MYO19: variants seen among roughly 807,000 people sequenced by gnomAD.
MYO19 encodes myosin XIX.
Under a neutral mutation model 129.2 loss-of-function variants are expected in MYO19, and 132 were observed. The observed-to-expected ratio is 1.02, with a 90% CI of 0.89 to 1.18. The LOEUF (loss-of-function observed/expected upper bound fraction) is 1.18. MYO19 is among the 50% of genes most tolerant of loss of function. The probability of loss-of-function intolerance (pLI) is 0.00; values close to 1 mark genes in which losing one functional copy is unlikely to be tolerated. For missense variants in MYO19, 1,210 were observed against 1,216.7 expected (o/e 0.99, Z 0.08); for synonymous variants, 531 against 477.2 (o/e 1.11, Z -1.47).
intron 6 of MYO19, among the ~76,000 whole-genome samples, chr17:36,521,689 GA>G (rs1436023619): frequency 6.6e-6 from 1 of 151,954 alleles, no homozygotes; most frequent in Non-Finnish European, 1.5e-5. Context: ...ACCTTTGGGG[GA>G]AAAAAGAAAT....
intron 4 of MYO19, among the ~76,000 whole-genome samples, 176 bp downstream of exon 4, chr17:36,527,888 T>C (rs1181897371): frequency 6.6e-6 from 1 of 152,234 alleles, no homozygotes; most frequent in Admixed American, 6.5e-5. Flanking sequence ...AAGCATGCCC[T>C]GGGGAGCCCA....
At position 36,527,596 on chromosome 17, in the gene MYO19, G is replaced by A. The variant is rs1320999531; in HGVS notation, c.255C>T (p.Tyr85=). Residue 85 remains tyrosine, a synonymous_variant, in exon 5 of 26, where the codon TAC becomes TAT. Coordinates refer to ENST00000614623, the MANE Select transcript of MYO19 (RefSeq NM_001163735.2). ...LNPFKPVPQL[Y]SPELMREYHA... ...GGTACTCTCTCATTAGCTCGGGCGA[G>A]TAGAGCTGAGGAACAGGCTTGAAGG... 1.9e-6 allele frequency: 3 copies of A among 1,614,038 alleles called. No homozygotes were observed. Among genetic ancestry groups the A allele is most frequent in the Non-Finnish European group, 2.5e-6 (3 of 1,179,896 alleles).
chr17:36,537,038 A>T, upstream of MYO19: 1 of 1,439,878 alleles, frequency 6.9e-7, no homozygotes, highest in Non-Finnish European at 9.4e-7. Context: ...CAGGTATGCT[A>T]ATTACACAAG....
intron 23 of MYO19, 25 bp downstream of exon 23, chr17:36,500,805 G>C (rs1567731276): frequency 6.3e-7 from 1 of 1,592,800 alleles, no homozygotes; most frequent in African/African-American, 1.3e-5. Flanking sequence ...TGTGAGCAGT[G>C]CTGACAGGTG....
chr17:36,531,655 G>C (rs1409186151), intron 3 of MYO19, among the ~76,000 whole-genome samples: 2 of 151,710 alleles, frequency 1.3e-5, no homozygotes, highest in South Asian at 2.1e-4. Context: ...CAACTGTTTT[G>C]CCCACTTCTT....
intron 11 of MYO19, among the ~76,000 whole-genome samples, chr17:36,512,362 C>T (rs2072406890): frequency 6.9e-6 from 1 of 145,866 alleles, no homozygotes; most frequent in Non-Finnish European, 1.5e-5. Context: ...GCACTCTAGA[C>T]TGGGCAACTA....
chr17:36,518,303 C>T (rs995838001), intron 6 of MYO19, among the ~76,000 whole-genome samples: 3 of 150,826 alleles, frequency 2.0e-5, no homozygotes, highest in African/African-American at 7.3e-5. Context: ...GAAACTATAA[C>T]GTCTCTACTA....
chr17:36,506,864 G>A, intron 17 of MYO19, 99 bp downstream of exon 17: 1 of 1,369,766 alleles, frequency 7.3e-7, no homozygotes, highest in Non-Finnish European at 9.7e-7. Flanking sequence ...AGGAGGTTCA[G>A]GAGAGAAAGG....
chr17:36,501,179 G>A lies in MYO19; in HGVS notation c.2137C>T (p.His713Tyr). Residue 713 changes from histidine (H) to tyrosine (Y), a missense_variant, in exon 22 of 26, where the codon CAC (histidine) becomes TAC (tyrosine). Coordinates refer to ENST00000614623, the MANE Select transcript of MYO19 (RefSeq NM_001163735.2). ...GCCTGAGTTAGGACCGGCAGAGTGT[G>A]GAGAATGTCCTGGATGAGAGGTTCA... ...TLEPLIQDILHTLPVLTQAAA... is the reference protein window; with the variant it reads ...TLEPLIQDILYTLPVLTQAAA... 6.2e-7 allele frequency: 1 copy of A among 1,614,050 alleles called. No individual in the cohort carries two copies. The highest frequency in any genetic ancestry group is 8.5e-7 in the Non-Finnish European group (1 of 1,179,898).
intron 24 of MYO19, 26 bp from the exon 25 acceptor site, chr17:36,498,585 G>A (rs773446487): frequency 2.1e-5 from 33 of 1,583,502 alleles, no homozygotes; most frequent in Non-Finnish European, 2.7e-5. Context: ...TCCCTTTATA[G>A]CTTTAGATTT....
chr17:36,505,212 G>C (rs2071798116), intron 19 of MYO19, 85 bp downstream of exon 19: 2 of 1,207,672 alleles, frequency 1.7e-6, no homozygotes, highest in Non-Finnish European at 2.5e-6. Flanking sequence ...CACTCCATTT[G>C]GAACAGATGT....
upstream of MYO19, chr17:36,537,613 T>G: frequency 6.2e-7 from 1 of 1,614,006 alleles, no homozygotes; most frequent in Non-Finnish European, 8.5e-7. Context: ...GATTTTGGAG[T>G]AGGTGGCTTT....
upstream of MYO19, chr17:36,538,128 C>A: frequency 2.5e-6 from 4 of 1,614,132 alleles, 1 homozygote; most frequent in African/African-American, 5.3e-5. Context: ...AGCCTGTTTT[C>A]TTTTACTGGC....
Position 36,496,005 on chromosome 17 carries a change from C to T in MYO19, c.*246G>A. 1 of 784,946 alleles carries T rather than the reference C, an allele frequency of 1.3e-6. No homozygotes were observed. The highest frequency in any genetic ancestry group is 1.8e-6 in the Non-Finnish European group (1 of 542,506). 48.6% of individuals were successfully genotyped at this position (784,946 alleles called of 1,614,324 possible). ...GATCTGTGAAGGTAGTGAAATGTGG[C>T]CCTGATGTTTCTTAACCCTGATTTG... On this transcript the variant is annotated 3_prime_UTR_variant, in exon 26 of 26. Transcript: ENST00000614623.
intron 7 of MYO19, 99 bp downstream of exon 7, chr17:36,515,759 A>T (rs879049819): frequency 7.3e-7 from 1 of 1,369,752 alleles, no homozygotes; most frequent in African/African-American, 1.4e-5. Context: ...CTCCACCCCC[A>T]CCCAAGAGAG....
chr17:36,530,881 A>G (rs1345830334), intron 3 of MYO19, among the ~76,000 whole-genome samples: 1 of 152,136 alleles, frequency 6.6e-6, no homozygotes, highest in Middle Eastern at 3.4e-3. Context: ...TCGACCTCCC[A>G]AAGTATTGGG....
rs569301002 is a variant in MYO19 at position 36,516,108 on chromosome 17, G to A, written c.415-118C>T. On this transcript the variant is annotated intron_variant, in intron 6 of 25. Coordinates refer to ENST00000614623, the MANE Select transcript of MYO19 (RefSeq NM_001163735.2). Reference sequence around the variant, plus strand: ...TCCACCAGTGTGTTGCTGACAAAATGGGTGAAGGCAGAATTCAACCCTGGC... The same window carrying A: ...TCCACCAGTGTGTTGCTGACAAAATAGGTGAAGGCAGAATTCAACCCTGGC... 47 of 1,242,896 alleles carry A rather than the reference G, an allele frequency of 3.8e-5. No individual in the cohort carries two copies. In the African/African-American group the frequency reaches 5.9e-4, roughly 16 times the overall value. The allele number at this position is 1,242,896 out of a possible 1,614,324, so 77.0% of individuals were successfully genotyped here.
intron 24 of MYO19, chr17:36,498,795 G>T: frequency 1.7e-6 from 1 of 596,514 alleles, no homozygotes; most frequent in Non-Finnish European, 3.0e-6. Flanking sequence ...AGTCCATCAA[G>T]ATATAACTGA....
At chr17:36,499,659 T>TC (rs2071339820) in intron 23 of MYO19, 27 of 140,646 alleles carry the variant, frequency 1.9e-4, no homozygotes, top group African/African-American at 7.6e-4. Flanking sequence ...TTTTTCTTTT[T>TC]GTTTCTTTTT....
Sources: gnomAD v4.1 joint callset for allele counts (sites outside exome capture counted in the v4.1 genomes callset) on GRCh38, gnomAD v4.1.1 for gene constraint, MANE v1.5 for transcripts, NCBI Gene and HGNC (gene_info 2026-07-23, HGNC 2026-07-21) for gene names.